PLEKHA6: variants seen among roughly 807,000 people sequenced by gnomAD.
PLEKHA6 encodes pleckstrin homology domain containing A6, also known as pleckstrin homology domain-containing family A member 6.
A neutral mutation model predicts 116.7 loss-of-function variants in PLEKHA6; 60 were observed. The ratio of observed to expected loss-of-function variants is 0.51; its 90% CI spans 0.42 to 0.64. PLEKHA6 has a LOEUF of 0.64. Ranked by LOEUF, PLEKHA6 falls within the 30% of genes least tolerant of loss-of-function variation. PLEKHA6 has a pLI of 0.00. For synonymous variants in PLEKHA6, 489 were observed against 556.1 expected (o/e 0.88, Z 1.70); for missense variants, 1,338 against 1,422.7 (o/e 0.94, Z 0.96).
chr1:204,347,016 T>C (rs1673083071), intron 1 of PLEKHA6: 5 of 1,409,834 alleles, frequency 3.5e-6, no homozygotes, highest in Non-Finnish European at 5.0e-6. Flanking sequence ...GAATCTTGCC[T>C]TTAACTTGTT....
chr1:204,336,988 A>G (rs961564670), intron 1 of PLEKHA6, among the ~76,000 whole-genome samples: 10 of 152,224 alleles, frequency 6.6e-5, no homozygotes, highest in African/African-American at 2.2e-4. Context: ...CACTGGAAAG[A>G]AAGAAGAGCC....
At chr1:204,233,187 C>CT (rs57991213) in intron 17 of PLEKHA6, among the ~76,000 whole-genome samples, 3,980 of 129,774 alleles carry the variant, frequency 0.031, 83 homozygotes, top group Non-Finnish European at 0.047. Flanking sequence ...TTTTCTTTTT[C>CT]TTTTTTTTTT....
chr1:204,221,723 GA>G lies in PLEKHA6; in HGVS notation c.*1064del, dbSNP rs1447703430. On this transcript the variant is annotated 3_prime_UTR_variant, in exon 23 of 23. Transcript: ENST00000272203. ...TCCTTCTCTCTGCCCCTTACCCCAG[GA>G]TGGCGAGGCAGACACCAGGCACAGA... is the stretch of plus-strand genomic sequence containing the variant. 6.6e-6 allele frequency: 1 copy of G among 152,552 alleles called. No homozygotes were observed. Among genetic ancestry groups the G allele is most frequent in the African/African-American group, 2.4e-5 (1 of 41,442 alleles). The allele number at this position is 152,552 out of a possible 1,614,324, so 9.4% of individuals were successfully genotyped here.
At chr1:204,263,054 C>G (rs1219322778) in intron 6 of PLEKHA6, among the ~76,000 whole-genome samples, 1 of 152,144 alleles carries the variant, frequency 6.6e-6, no homozygotes, top group Non-Finnish European at 1.5e-5. Flanking sequence ...GTGCAGAACT[C>G]GCTGGGGGCA....
rs776016844 is a variant in PLEKHA6, at chr1:204,257,701, C to T, written c.1176G>A (p.Lys392=). ...CACCCCCATTGCGGAAGGCATGGCG[C>T]TTGTCCTCCAGGGCCCAGGGCGGGC... ...RISPPWALED[K]RHAFRNGGGP... Residue 392 remains lysine (K), a synonymous_variant, in exon 9 of 23, where the codon AAG becomes AAA. Coordinates refer to ENST00000272203, the MANE Select transcript of PLEKHA6 (RefSeq NM_014935.5). The surrounding 1 kb of genome is among the most constrained non-coding windows in gnomAD (Gnocchi z 6.5). The T allele has an allele frequency of 1.2e-6, 2 of 1,612,202 alleles. No individual in the cohort carries two copies. Among genetic ancestry groups the T allele is most frequent in the African/African-American group, 2.7e-5 (2 of 74,890 alleles).
intron 6 of PLEKHA6, 118 bp downstream of exon 6, chr1:204,264,824 G>A: frequency 1.3e-6 from 1 of 787,684 alleles, no homozygotes. Flanking sequence ...CCACTGCTAT[G>A]GCCACCACCA....
chr1:204,266,433 C>A (rs988599558), intron 5 of PLEKHA6, among the ~76,000 whole-genome samples: 3 of 152,160 alleles, frequency 2.0e-5, no homozygotes, highest in Non-Finnish European at 4.4e-5. Flanking sequence ...TGTGCAGAGA[C>A]CCCCAATTTT....
chr1:204,360,602 A>G (rs535712392), upstream of PLEKHA6, among the ~76,000 whole-genome samples: 7 of 152,306 alleles, frequency 4.6e-5, no homozygotes, highest in African/African-American at 1.7e-4. Context: ...TAAAAATGAT[A>G]TAGGTACTCA....
Position 204,347,161 on chromosome 1 carries a change from A to G in PLEKHA6, c.-95+12533T>C, listed in dbSNP as rs902388381. On this transcript the variant is annotated intron_variant, in intron 1 of 22. Coordinates refer to ENST00000272203, the MANE Select transcript of PLEKHA6 (RefSeq NM_014935.5). ...GTCTACAATATCACCTTTCTTATAGACTCGCATATACGTGGCCAAAGGAAC... is the reference window on the plus strand; with the variant it reads ...GTCTACAATATCACCTTTCTTATAGGCTCGCATATACGTGGCCAAAGGAAC... 6.2e-6 allele frequency: 7 copies of G among 1,123,064 alleles called. No homozygotes were observed. In the African/African-American group the frequency reaches 7.8e-5, roughly 13 times the overall value. The allele number at this position is 1,123,064 out of a possible 1,614,324, so 69.6% of individuals were successfully genotyped here.
At chr1:204,309,182 C>G (rs1385467298) in intron 1 of PLEKHA6, 1 of 325,964 alleles carries the variant, frequency 3.1e-6, no homozygotes, top group African/African-American at 2.2e-5. Context: ...CAGATTCACA[C>G]TGAAGACTCC....
chr1:204,320,096 G>A (rs570983801), intron 1 of PLEKHA6, among the ~76,000 whole-genome samples: 24 of 152,314 alleles, frequency 1.6e-4, no homozygotes, highest in African/African-American at 5.5e-4. Flanking sequence ...AGACACTGCT[G>A]CCCCATCATC....
intron 1 of PLEKHA6, among the ~76,000 whole-genome samples, chr1:204,351,084 C>T (rs986165662): frequency 6.6e-5 from 10 of 152,180 alleles, no homozygotes; most frequent in Admixed American, 2.0e-4. Flanking sequence ...CCAGTTACCA[C>T]GGCAACCCAG....
At position 204,284,558 on chromosome 1, in the gene PLEKHA6, CA is replaced by C. The variant is rs542144262; in HGVS notation, c.-94-9750del. On this transcript the variant is annotated intron_variant, in intron 1 of 22. Transcript: ENST00000272203. ...AGGGAGCCTAGGAACAAGGGCCACC[CA>C]AGGAACCAGCCAGAAAATGACTGTG... Among the ~76,000 whole-genome samples, 307 of 152,154 alleles carry C rather than the reference CA, an allele frequency of 2.0e-3. 1 individual carries two copies. Among genetic ancestry groups the C allele is most frequent in the African/African-American group, 6.3e-3 (261 of 41,516 alleles).
At chr1:204,336,032 T>A (rs1672635585) in intron 1 of PLEKHA6, among the ~76,000 whole-genome samples, 1 of 152,208 alleles carries the variant, frequency 6.6e-6, no homozygotes, top group Admixed American at 6.5e-5. Context: ...AAGGGTCCTG[T>A]ACCTAATTCC....
chr1:204,325,352 G>T (rs1262933466), intron 1 of PLEKHA6, among the ~76,000 whole-genome samples: 2 of 152,150 alleles, frequency 1.3e-5, no homozygotes, highest in African/African-American at 4.8e-5. Context: ...GAATCCTTAG[G>T]GACATGGTGG....
At chr1:204,311,894 A>G (rs1189795953) in intron 1 of PLEKHA6, 1 of 153,664 alleles carries the variant, frequency 6.5e-6, no homozygotes, top group African/African-American at 2.4e-5. Flanking sequence ...CTCGTGCAAT[A>G]GCATTTCCTC....
chr1:204,344,599 CAA>C (rs58633345), intron 1 of PLEKHA6, among the ~76,000 whole-genome samples: 206 of 121,606 alleles, frequency 1.7e-3, no homozygotes, highest in African/African-American at 3.0e-3. Context: ...GACTCCATCT[CAA>C]AAAAAAAAAA....
intron 1 of PLEKHA6, among the ~76,000 whole-genome samples, chr1:204,337,007 A>G (rs976982798): frequency 6.6e-6 from 1 of 152,252 alleles, no homozygotes; most frequent in Non-Finnish European, 1.5e-5. Flanking sequence ...CCTGAAGGCA[A>G]GGAGGAAAGA....
At chr1:204,250,450 C>T (rs1664385684) in intron 10 of PLEKHA6, 96 bp downstream of exon 10, 2 of 835,514 alleles carry the variant, frequency 2.4e-6, no homozygotes, top group South Asian at 2.8e-5. Context: ...AGACAGCCCC[C>T]GCAGAGGAAG....
Sources: allele counts gnomAD v4.1 joint callset (sites outside exome capture counted in the v4.1 genomes callset), GRCh38; gene constraint gnomAD v4.1.1; non-coding constraint Gnocchi (gnomAD v3.1); transcripts MANE v1.5; gene names NCBI Gene and HGNC (gene_info 2026-07-23, HGNC 2026-07-21).